The following ALOX12 variants were observed in gnomAD, a reference collection of about 807,000 sequenced individuals.
The protein encoded by ALOX12 is arachidonate 12-lipoxygenase, 12S type.
A neutral mutation model predicts 85.5 loss-of-function variants in ALOX12; 62 were observed. That is an observed-to-expected ratio of 0.73 (90% CI 0.59 to 0.90). The LOEUF is 0.90. Ranked by LOEUF, ALOX12 falls within the 40% of genes least tolerant of loss-of-function variation. The probability of loss-of-function intolerance (pLI) is 0.00; values close to 1 mark genes in which losing one functional copy is unlikely to be tolerated. For missense variants in ALOX12, 751 were observed against 856.5 expected (o/e 0.88, Z 1.54); for synonymous variants, 299 against 332.7 (o/e 0.90, Z 1.10).
In ALOX12 at chr17:6,998,720, C is replaced by CCA; in HGVS notation, c.427_428dup (p.Trp144ProfsTer8). The stretch of plus-strand genomic sequence containing the variant: ...GCTTTGTCCCCAACTCCTAGCTGGG[C>CCA]CACCTGGAAGGAAGGGTTACCCCTG... On this transcript the variant is annotated frameshift_variant, in exon 4 of 14. Transcript: ENST00000251535. LOFTEE classifies it high-confidence loss of function. 1 of 1,611,576 alleles carries CCA rather than the reference C, an allele frequency of 6.2e-7. No homozygotes were observed. The highest frequency in any genetic ancestry group is 1.1e-5 in the South Asian group (1 of 91,008).
chr17:7,008,628 C>T (rs1308332306), intron 11 of ALOX12, among the ~76,000 whole-genome samples: 1 of 152,018 alleles, frequency 6.6e-6, no homozygotes, highest in African/African-American at 2.4e-5. Context: ...AGCCTGTAAT[C>T]CCAGCTACTT....
rs769229538 is a variant in ALOX12 at position 7,010,306 on chromosome 17, C to A, written c.1875C>A (p.Asn625Lys). The change falls in exon 14 of 14, where the codon AAC becomes AAA. Residue 625 changes from asparagine (N) to lysine (K), a missense_variant. Physicochemically the swap from Asn to Lys is moderately conservative, Grantham distance 94 (BLOSUM62 0). Coordinates refer to ENST00000251535, the MANE Select transcript of ALOX12 (RefSeq NM_000697.3). ...FSGPKPKAVL[N>K]QFRTDLEKLE... ...GCCCCAAGCCCAAAGCTGTGCTAAA[C>A]CAATTCCGAACAGATTTGGAAAAGC... The A allele has an allele frequency of 1.9e-6, 3 of 1,614,196 alleles. No homozygotes were observed. Among genetic ancestry groups the A allele is most frequent in the East Asian group, 4.5e-5 (2 of 44,888 alleles).
intron 1 of ALOX12, 68 bp from the exon 2 acceptor site, chr17:6,996,758 G>C (rs1908457798): frequency 6.5e-7 from 1 of 1,527,824 alleles, no homozygotes; most frequent in Non-Finnish European, 8.9e-7. Flanking sequence ...CAGGAGCGCG[G>C]CTCTGTCCTC....
In ALOX12 at chr17:6,996,131, G is replaced by A; in HGVS notation, c.14G>A (p.Arg5His). The change falls in exon 1 of 14, where the codon CGC becomes CAC. Residue 5 changes from arginine (R) to histidine (H), a missense_variant. Physicochemically the swap from Arg to His is conservative, Grantham distance 29. Transcript: ENST00000251535. MGRY[R>H]IRVATGAWLF... The stretch of plus-strand genomic sequence containing the variant: ...CTGGGGGGCGCCATGGGCCGCTACC[G>A]CATCCGCGTGGCCACCGGGGCCTGG... The A allele has an allele frequency of 8.0e-7, 1 of 1,251,490 alleles. No individual in the cohort carries two copies. The allele number at this position is 1,251,490 out of a possible 1,614,324, so 77.5% of individuals were successfully genotyped here. A position where few individuals can be genotyped will look rare whatever the true frequency, so the allele number is the denominator to read the frequency against.
At chr17:7,004,345 T>C (rs936004901) in intron 8 of ALOX12, among the ~76,000 whole-genome samples, 114 of 7,420 alleles carry the variant, frequency 0.015, no homozygotes, top group Middle Eastern at 0.17. Context: ...TAAATTAAAT[T>C]TTAATATTTT....
chr17:7,007,752 G>A (rs959381417), intron 11 of ALOX12, among the ~76,000 whole-genome samples: 1 of 152,184 alleles, frequency 6.6e-6, no homozygotes, highest in East Asian at 1.9e-4. Flanking sequence ...GTCGTGGCAC[G>A]CACCTGTAAT....
chr17:7,001,324 T>C (rs1908697405), intron 7 of ALOX12: 2 of 479,392 alleles, frequency 4.2e-6, no homozygotes, highest in African/African-American at 3.9e-5. Context: ...TCCTTCACAT[T>C]CCACCACCAT....
chr17:7,001,810 AG>A lies in ALOX12; in HGVS notation c.1161+1del. 1 of 1,613,398 alleles carries A rather than the reference AG, an allele frequency of 6.2e-7. No homozygotes were observed. The highest frequency in any genetic ancestry group is 1.1e-5 in the South Asian group (1 of 91,066). ...RCLPGLHPIF[K>X]FLIPHIRYTM... is the part of the protein sequence containing the mutation. The stretch of plus-strand genomic sequence containing the variant: ...CTCCCAGGACTGCACCCCATCTTCA[AG>A]GTACTTATTAATCTATTAAATCACA... On this transcript the variant is annotated frameshift_variant and splice_region_variant, in exon 8 of 14. Coordinates refer to ENST00000251535, the MANE Select transcript of ALOX12 (RefSeq NM_000697.3). LOFTEE classifies it high-confidence loss of function.
chr17:7,001,354 C>G lies in ALOX12; in HGVS notation c.952-248C>G, dbSNP rs902465837. On this transcript the variant is annotated intron_variant, in intron 7 of 13. Coordinates refer to ENST00000251535, the MANE Select transcript of ALOX12 (RefSeq NM_000697.3). Reference sequence around the variant, plus strand: ...CACCATCTGAGCGCCGACCCCAAAGCAGCAGGTTTCTCCCACACCACTGTT... The same window carrying G: ...CACCATCTGAGCGCCGACCCCAAAGGAGCAGGTTTCTCCCACACCACTGTT... 5.5e-6 allele frequency: 3 copies of G among 540,872 alleles called. No homozygotes were observed. The African/African-American group carries it at 5.7e-5, about 10-fold the overall frequency. The allele number at this position is 540,872 out of a possible 1,614,324, so 33.5% of individuals were successfully genotyped here.
chr17:6,996,338 G>T, intron 1 of ALOX12, 86 bp downstream of exon 1: 2 of 1,198,412 alleles, frequency 1.7e-6, no homozygotes, highest in Non-Finnish European at 2.1e-6. Context: ...GGGAGGGCGG[G>T]AGGCTGGGGG....
chr17:7,004,636 A>T (rs1334994468), intron 8 of ALOX12, among the ~76,000 whole-genome samples: 2 of 152,100 alleles, frequency 1.3e-5, no homozygotes, highest in Non-Finnish European at 2.9e-5. Context: ...GTAGGGGTGG[A>T]GAAAGATTTG....
chr17:7,009,651 A>AT (rs1473255024), intron 11 of ALOX12, 96 bp from the exon 12 acceptor site: 6 of 1,055,594 alleles, frequency 5.7e-6, no homozygotes, highest in Admixed American at 4.0e-5. Context: ...AAATAAACAA[A>AT]TTCATCAATT....
chr17:7,000,020 G>A lies in ALOX12; in HGVS notation c.808-316G>A, dbSNP rs1416932641. Among the ~76,000 whole-genome samples the A allele has an allele frequency of 2.0e-5, 3 of 152,112 alleles. No homozygotes were observed. Among genetic ancestry groups the A allele is most frequent in the African/African-American group, 7.2e-5 (3 of 41,416 alleles). On this transcript the variant is annotated intron_variant, in intron 6 of 13. Coordinates refer to ENST00000251535, the MANE Select transcript of ALOX12 (RefSeq NM_000697.3). This position sits in a 1 kb window ranked among gnomAD's most constrained non-coding sequence, Gnocchi z 4.6. The stretch of plus-strand genomic sequence containing the variant: ...GCCAAAACCAGAGCGCAGACCATTC[G>A]GGAATGATCAGAAAGGGGCCTGGCC...
chr17:6,998,550 C>G lies in ALOX12; in HGVS notation c.379C>G (p.His127Asp), dbSNP rs1320355917. Reference sequence around the variant, plus strand: ...CAATGCTTTGGACATGTTCCAGAAGCATCGAGAGAAGGAACTGAAAGACAG... The same window carrying G: ...CAATGCTTTGGACATGTTCCAGAAGGATCGAGAGAAGGAACTGAAAGACAG... ...GDNALDMFQK[H>D]REKELKDRQQ... is the part of the protein sequence containing the mutation. The change falls in exon 3 of 14, where the codon CAT becomes GAT. Residue 127 changes from histidine to aspartate, a missense_variant. Physicochemically the swap from His to Asp is moderately conservative, Grantham distance 81. Coordinates refer to ENST00000251535, the MANE Select transcript of ALOX12 (RefSeq NM_000697.3). 1 of 1,614,012 alleles carries G rather than the reference C, an allele frequency of 6.2e-7. No individual in the cohort carries two copies. The highest frequency in any genetic ancestry group is 1.3e-5 in the African/African-American group (1 of 75,034).
Position 7,010,455 on chromosome 17 carries a change from C to T in ALOX12, c.*32C>T. On this transcript the variant is annotated 3_prime_UTR_variant, in exon 14 of 14. Transcript: ENST00000251535. ...GAGTGACTCTACCTGCAAGATTTCA[C>T]ATCAGCTTTAGGACTGACATTTCTA... 3.1e-6 allele frequency: 5 copies of T among 1,600,832 alleles called. No homozygotes were observed. The highest frequency in any genetic ancestry group is 4.3e-6 in the Non-Finnish European group (5 of 1,173,062).
chr17:7,001,543 GA>G, intron 7 of ALOX12, 58 bp from the exon 8 acceptor site: 1 of 1,471,736 alleles, frequency 6.8e-7, no homozygotes. Context: ...GTTTCCCCAA[GA>G]ATGCTGACTA....
chr17:7,005,311 C>A lies in ALOX12; in HGVS notation c.1216C>A (p.Gln406Lys). Residue 406 changes from glutamine to lysine, a missense_variant, in exon 9 of 14, where the codon CAA becomes AAA. Coordinates refer to ENST00000251535, the MANE Select transcript of ALOX12 (RefSeq NM_000697.3). ...TMEINTRART[Q>K]LISDGGIFDK... ...GGAAATCAACACCCGGGCCCGGACC[C>A]AACTCATCTCAGATGGAGGAATTTT... 6.2e-7 allele frequency: 1 copy of A among 1,613,804 alleles called. No individual in the cohort carries two copies.
Position 7,009,851 on chromosome 17 carries a change from T to C in ALOX12, c.1641+4T>C. On this transcript the variant is annotated splice_donor_region_variant and intron_variant, in intron 12 of 13. Coordinates refer to ENST00000251535, the MANE Select transcript of ALOX12 (RefSeq NM_000697.3). ...TGCCGCCATCAACCAGGGCCAGGTA[T>C]GGACAGCTGAAAGCCCAGGTCCCTG... 6.2e-7 allele frequency: 1 copy of C among 1,614,160 alleles called. No individual in the cohort carries two copies. Among genetic ancestry groups the C allele is most frequent in the East Asian group, 2.2e-5 (1 of 44,888 alleles).
In ALOX12 at chr17:7,000,223, G is replaced by A. The variant is rs1482292361; in HGVS notation, c.808-113G>A. On this transcript the variant is annotated intron_variant, in intron 6 of 13. Transcript: ENST00000251535. The surrounding 1 kb of genome is among the most constrained non-coding windows in gnomAD (Gnocchi z 4.6). ...GCTCTAGTTCTCCCAACAGGGCTCC[G>A]GTACTGATGCAGGAGAATGGCAAGA... 19 of 1,291,192 alleles carry A rather than the reference G, an allele frequency of 1.5e-5. No homozygotes were observed. In the East Asian group the frequency reaches 1.6e-4, roughly 11 times the overall value. 80.0% of individuals were successfully genotyped at this position (1,291,192 alleles called of 1,614,324 possible).
Sources: gnomAD v4.1 joint callset for allele counts (sites outside exome capture counted in the v4.1 genomes callset) on GRCh38, gnomAD v4.1.1 for gene constraint, Gnocchi (gnomAD v3.1) non-coding constraint, MANE v1.5 for transcripts, NCBI Gene and HGNC (gene_info 2026-07-23, HGNC 2026-07-21) for gene names.